The following TMEM117 variants were observed in gnomAD, a reference collection of about 807,000 sequenced individuals.
TMEM117 encodes transmembrane protein 117.
TMEM117 carries 27 observed loss-of-function variants against 52.4 expected under a neutral mutation model. The ratio of observed to expected loss-of-function variants is 0.51; its 90% CI spans 0.38 to 0.71. TMEM117 has a LOEUF of 0.71. Ranked by LOEUF, TMEM117 falls within the 30% of genes least tolerant of loss-of-function variation. TMEM117 has a pLI of 0.00. For missense variants in TMEM117, 556 were observed against 630.5 expected, an observed-to-expected ratio of 0.88 and a Z score of 1.26; for synonymous variants, 215 against 206.3, an observed-to-expected ratio of 1.04 and a Z score of -0.36.
chr12:44,196,599 G>A (rs1949424427), intron 4 of TMEM117, among the ~76,000 whole-genome samples: 1 of 152,142 alleles, frequency 6.6e-6, no homozygotes, highest in Non-Finnish European at 1.5e-5. Flanking sequence ...TCCTAAAGCT[G>A]ATATTTCACT....
In TMEM117 at chr12:44,299,627, C is replaced by T. The variant is rs765259568; in HGVS notation, c.656C>T (p.Thr219Met). 52 of 1,614,064 alleles carry T rather than the reference C, an allele frequency of 3.2e-5. No individual in the cohort carries two copies. Among genetic ancestry groups the T allele is most frequent in the African/African-American group, 1.6e-4 (12 of 74,924 alleles). ...LTSVVVLVIT[T>M]DWISWDKLNR... ...TCTGTGGTTGTACTTGTGATTACAA[C>T]GGACTGGATCAGCTGGGACAAGCTG... Residue 219 changes from threonine (T) to methionine (M), a missense_variant, in exon 6 of 8, where the codon ACG becomes ATG. This residue lies in a region of TMEM117 where 328 missense variants were observed against 371.4 expected (regional missense o/e 0.88). Coordinates refer to ENST00000266534, the MANE Select transcript of TMEM117 (RefSeq NM_032256.3).
chr12:43,859,494 T>A (rs1943452523), intron 2 of TMEM117, among the ~76,000 whole-genome samples: 1 of 90,232 alleles, frequency 1.1e-5, no homozygotes. Context: ...AAAAGTTATA[T>A]AAACCTATTG....
chr12:44,048,092 G>A (rs1337040308), intron 3 of TMEM117, among the ~76,000 whole-genome samples: 6 of 151,910 alleles, frequency 3.9e-5, no homozygotes, highest in East Asian at 1.9e-4. Flanking sequence ...TTTGTTTATT[G>A]TGTCAATTTT....
chr12:44,225,042 G>A (rs1949843043), intron 5 of TMEM117, among the ~76,000 whole-genome samples: 2 of 152,112 alleles, frequency 1.3e-5, no homozygotes, highest in South Asian at 4.1e-4. Context: ...CATACTTGCA[G>A]TCTTGATGAG....
chr12:44,079,320 C>G (rs1033926093), intron 3 of TMEM117, among the ~76,000 whole-genome samples: 2 of 152,138 alleles, frequency 1.3e-5, no homozygotes, highest in South Asian at 4.1e-4. Flanking sequence ...CTAATTTACA[C>G]TCCCACCAAC....
At chr12:44,285,088 C>T (rs774496319) in intron 5 of TMEM117, among the ~76,000 whole-genome samples, 18 of 152,272 alleles carry the variant, frequency 1.2e-4, no homozygotes, top group African/African-American at 3.6e-4. Flanking sequence ...ACTTTATTTA[C>T]GTAGATTAGG....
intron 3 of TMEM117, among the ~76,000 whole-genome samples, chr12:44,135,314 G>A (rs1286971415): frequency 6.6e-6 from 1 of 152,050 alleles, no homozygotes. Context: ...CTAGCTCTGG[G>A]GTGCTATTTT....
rs772754829 is a variant in TMEM117, at chr12:43,891,367, A to ATTTTTTTT, written c.277+46455_277+46462dup. ...ATTTCTTTTGGGAAATACCTCTTGA[A>ATTTTTTTT]TTTTTTTTTTTTTTTTTTTTTTTGA... On this transcript the variant is annotated intron_variant, in intron 2 of 7. Coordinates refer to ENST00000266534, the MANE Select transcript of TMEM117 (RefSeq NM_032256.3). Among the ~76,000 whole-genome samples, 60 of 57,792 alleles carry ATTTTTTTT rather than the reference A, an allele frequency of 1.0e-3. 6 individuals are homozygous for ATTTTTTTT. Among genetic ancestry groups the ATTTTTTTT allele is most frequent in the African/African-American group, 1.7e-3 (28 of 16,932 alleles). The allele number at this position is 57,792 out of a possible 152,430, so 37.9% of individuals were successfully genotyped here.
intron 5 of TMEM117, among the ~76,000 whole-genome samples, chr12:44,298,068 G>A (rs1950791098): frequency 7.0e-6 from 1 of 143,030 alleles, no homozygotes; most frequent in South Asian, 2.1e-4. Flanking sequence ...AAAAAATAAT[G>A]TATCTTTCCA....
At chr12:44,181,222 T>C (rs1949193362) in intron 4 of TMEM117, among the ~76,000 whole-genome samples, 1 of 149,866 alleles carries the variant, frequency 6.7e-6, no homozygotes. Flanking sequence ...CTTGTAAATT[T>C]GTTTGAGTTC....
intron 3 of TMEM117, among the ~76,000 whole-genome samples, chr12:44,043,728 G>A (rs1255818014): frequency 6.6e-6 from 1 of 152,200 alleles, no homozygotes; most frequent in East Asian, 1.9e-4. Context: ...CCCTGGAAGT[G>A]AGGTTGAGAG....
intron 5 of TMEM117, among the ~76,000 whole-genome samples, chr12:44,269,843 C>T (rs1212662505): frequency 6.6e-6 from 1 of 151,934 alleles, no homozygotes; most frequent in African/African-American, 2.4e-5. Flanking sequence ...AAATTATTGT[C>T]AATAAGAAAT....
In TMEM117 at chr12:44,261,162, CAG is replaced by C. The variant is rs373365129; in HGVS notation, c.609-38416_609-38415del. On this transcript the variant is annotated intron_variant, in intron 5 of 7. Transcript: ENST00000266534. ...TAAAAAATCAATAATGTCTATAAAA[CAG>C]AAATTATTTATGGAGCAATCTTATA... Among the ~76,000 whole-genome samples, 810 of 152,042 alleles carry C rather than the reference CAG, an allele frequency of 5.3e-3. 10 individuals carry two copies. Among genetic ancestry groups the C allele is most frequent in the African/African-American group, 0.018 (748 of 41,458 alleles).
At position 44,136,650 on chromosome 12, in the gene TMEM117, A is replaced by G. The variant is rs1948495105; in HGVS notation, c.411-6875A>G. On this transcript the variant is annotated intron_variant, in intron 3 of 7. Coordinates refer to ENST00000266534, the MANE Select transcript of TMEM117 (RefSeq NM_032256.3). ...TGCCAGCAAATTGGTGCACTAAATC[A>G]TGTATTGATAAGTAATCTCATTTAA... is the stretch of plus-strand genomic sequence containing the variant. 2.0e-5 allele frequency among the ~76,000 whole-genome samples: 3 copies of G among 152,144 alleles called. 1 individual carries two copies. The highest frequency in any genetic ancestry group is 2.0e-4 in the Admixed American group (3 of 15,270).
In TMEM117 at chr12:44,077,884, A is replaced by G. The variant is rs565967681; in HGVS notation, c.411-65641A>G. On this transcript the variant is annotated intron_variant, in intron 3 of 7. Coordinates refer to ENST00000266534, the MANE Select transcript of TMEM117 (RefSeq NM_032256.3). Reference sequence around the variant, plus strand: ...CTTTATATTTTCTTATTTATAGAAAATATTTTCCTCTCAAAGACATAACTT... The same window carrying G: ...CTTTATATTTTCTTATTTATAGAAAGTATTTTCCTCTCAAAGACATAACTT... Among the ~76,000 whole-genome samples the G allele has an allele frequency of 2.3e-3, 351 of 152,296 alleles. 5 individuals carry two copies. Among genetic ancestry groups the G allele is most frequent in the African/African-American group, 8.1e-3 (337 of 41,576 alleles).
chr12:43,963,853 T>G (rs1472715620), intron 3 of TMEM117, among the ~76,000 whole-genome samples: 1 of 152,168 alleles, frequency 6.6e-6, no homozygotes, highest in Non-Finnish European at 1.5e-5. Flanking sequence ...ATGGACCCAC[T>G]TCCTCCAGCC....
intron 5 of TMEM117, among the ~76,000 whole-genome samples, chr12:44,215,727 T>C (rs1308264757): frequency 2.0e-5 from 3 of 148,496 alleles, no homozygotes; most frequent in Non-Finnish European, 2.9e-5. Flanking sequence ...CTTAGCTTTT[T>C]TTAAAAAAAA....
intron 3 of TMEM117, among the ~76,000 whole-genome samples, chr12:44,012,856 A>G (rs1946315655): frequency 6.6e-6 from 1 of 152,052 alleles, no homozygotes; most frequent in South Asian, 2.1e-4. Flanking sequence ...TTTGCTTTAT[A>G]ATTGTTTTCC....
chr12:44,373,330 G>A (rs1951890349), intron 6 of TMEM117, among the ~76,000 whole-genome samples: 1 of 152,220 alleles, frequency 6.6e-6, no homozygotes, highest in Non-Finnish European at 1.5e-5. Flanking sequence ...CCCTGTTCCA[G>A]GTGCCCTCTG....
Sources: gnomAD v4.1 joint callset for allele counts (sites outside exome capture counted in the v4.1 genomes callset) on GRCh38, gnomAD v4.1.1 for gene constraint, gnomAD v4.1.1 regional missense constraint, MANE v1.5 for transcripts, NCBI Gene and HGNC (gene_info 2026-07-23, HGNC 2026-07-21) for gene names.